PKHD1L1: variants seen among roughly 807,000 people sequenced by gnomAD.
PKHD1L1 encodes the protein fibrocystin-L.
Under a neutral mutation model 462.9 loss-of-function variants are expected in PKHD1L1, and 434 were observed. The ratio of observed to expected loss-of-function variants is 0.94; its 90% CI spans 0.87 to 1.02. The LOEUF is 1.02. Among genes scored for constraint, PKHD1L1 ranks in the 50% least tolerant of loss-of-function variants. The pLI is 0.00. For missense variants in PKHD1L1, 5,202 were observed against 5,096.1 expected (o/e 1.02, Z -0.63); for synonymous variants, 1,781 against 1,750.0 (o/e 1.02, Z -0.44).
rs1787339171 is a variant in PKHD1L1, at chr8:109,456,326, A to G, written c.6939A>G (p.Leu2313=). ...AHTAKAGERI[L]ILQEAVTWKP... ...CTGCAAAGGCAGGGGAAAGAATTTT[A>G]ATTTTACAAGAAGCAGTAACATGGA... is the stretch of plus-strand genomic sequence containing the variant. Residue 2313 remains leucine, a synonymous_variant, in exon 46 of 78, where the codon TTA becomes TTG. Transcript: ENST00000378402. 8 of 1,611,976 alleles carry G rather than the reference A, an allele frequency of 5.0e-6. No individual in the cohort carries two copies. Among genetic ancestry groups the G allele is most frequent in the Non-Finnish European group, 6.8e-6 (8 of 1,178,910 alleles).
At chr8:109,477,797 G>T (rs910720988) in intron 53 of PKHD1L1, among the ~76,000 whole-genome samples, 1 of 152,274 alleles carries the variant, frequency 6.6e-6, no homozygotes, top group Admixed American at 6.5e-5. Flanking sequence ...TTCTTAGCAG[G>T]TGCTGTCTCT....
intron 17 of PKHD1L1, among the ~76,000 whole-genome samples, chr8:109,406,878 A>G (rs1285210527): frequency 6.6e-6 from 1 of 152,006 alleles, no homozygotes; most frequent in Non-Finnish European, 1.5e-5. Flanking sequence ...TTCCTTGAAG[A>G]TTGACAGAGC....
chr8:109,527,311 G>A (rs563793832), intron 77 of PKHD1L1, among the ~76,000 whole-genome samples: 1 of 152,076 alleles, frequency 6.6e-6, no homozygotes, highest in East Asian at 1.9e-4. Context: ...AGACCAGCCT[G>A]GCCAACATGG....
rs377196836 is a variant in PKHD1L1, at chr8:109,522,789, G to A, written c.12229G>A (p.Val4077Met). ...AAGGTCTGCATTTCCTGTTCATCAC[G>A]TGGCCTTCGTGTCCTCACTCTTAGT... ...VERSAFPVHH[V>M]AFVSSLLVIT... The change falls in exon 75 of 78, where the codon GTG becomes ATG. Residue 4077 changes from valine to methionine, a missense_variant. Val to Met is a conservative substitution (Grantham distance 21). Around this residue, in one of 3 missense-constraint regions of PKHD1L1, gnomAD observed 698 missense variants for 736.3 expected, o/e 0.95. Transcript: ENST00000378402. 1.3e-5 allele frequency: 21 copies of A among 1,611,828 alleles called. No individual in the cohort carries two copies. The highest frequency in any genetic ancestry group is 8.0e-5 in the African/African-American group (6 of 74,844).
intron 11 of PKHD1L1, among the ~76,000 whole-genome samples, 181 bp from the exon 12 acceptor site, chr8:109,398,278 A>T (rs1167953001): frequency 6.6e-6 from 1 of 152,142 alleles, no homozygotes; most frequent in East Asian, 1.9e-4. Flanking sequence ...TGCTTTTTGG[A>T]AGTATGACAA....
At chr8:109,438,049 T>C (rs1427283191) in intron 30 of PKHD1L1, among the ~76,000 whole-genome samples, 1 of 152,124 alleles carries the variant, frequency 6.6e-6, no homozygotes, top group Non-Finnish European at 1.5e-5. Context: ...ATCTCAACAA[T>C]ATTGTAGAGC....
At position 109,362,630 on chromosome 8, in the gene PKHD1L1, T is replaced by C; in HGVS notation, c.50T>C (p.Leu17Pro). 1 of 1,607,642 alleles carries C rather than the reference T, an allele frequency of 6.2e-7. No individual in the cohort carries two copies. The highest frequency in any genetic ancestry group is 1.7e-4 in the Middle Eastern group (1 of 6,058). Reference protein sequence around the residue: ...LGIWGLCGLLLCAADPSTDGS... With the variant: ...LGIWGLCGLLPCAADPSTDGS... ...ATTTGGGGCCTCTGTGGGCTGCTCC[T>C]GTGTGCCGCGGATCCCAGCACAGGT... Residue 17 changes from leucine (L) to proline (P), a missense_variant, in exon 1 of 78, where the codon CTG (leucine) becomes CCG (proline). By Grantham distance (98) the Leu-to-Pro change is moderately conservative (BLOSUM62 -3). Around this residue, in one of 3 missense-constraint regions of PKHD1L1, gnomAD observed 4,497 missense variants for 4,336.8 expected, o/e 1.04. Transcript: ENST00000378402.
chr8:109,447,219 T>A (rs773042251), intron 38 of PKHD1L1, among the ~76,000 whole-genome samples: 6 of 152,168 alleles, frequency 3.9e-5, no homozygotes, highest in Non-Finnish European at 8.8e-5. Flanking sequence ...CGAGACTCCA[T>A]CTCCGAAACA....
chr8:109,382,244 C>G (rs1812161464), intron 3 of PKHD1L1, among the ~76,000 whole-genome samples: 1 of 152,080 alleles, frequency 6.6e-6, no homozygotes, highest in South Asian at 2.1e-4. Flanking sequence ...TCGGAATATG[C>G]ATTTGCCTGA....
At chr8:109,487,144 T>A (rs1168033559) in intron 59 of PKHD1L1, among the ~76,000 whole-genome samples, 1 of 151,968 alleles carries the variant, frequency 6.6e-6, no homozygotes, top group Non-Finnish European at 1.5e-5. Context: ...AAGGAAAATT[T>A]CAAGCATACA....
rs1408946090 is a variant in PKHD1L1, at chr8:109,372,162, T to C, written c.163+7526T>C. On this transcript the variant is annotated intron_variant, in intron 2 of 77. Transcript: ENST00000378402. ...CATGGAATGTTCTTCCATTTGTTTGTATCCTCTTTTATTTCATTGAGCAGT... is the reference window on the plus strand; with the variant it reads ...CATGGAATGTTCTTCCATTTGTTTGCATCCTCTTTTATTTCATTGAGCAGT... 2.0e-5 allele frequency among the ~76,000 whole-genome samples: 3 copies of C among 152,364 alleles called. No homozygotes were observed. The South Asian group carries it at 6.2e-4, about 32-fold the overall frequency.
chr8:109,470,369 A>C (rs1418098698), intron 50 of PKHD1L1: 1 of 1,557,726 alleles, frequency 6.4e-7, no homozygotes, highest in African/African-American at 1.4e-5. Context: ...TATGAACCCA[A>C]GCTTATTATA....
intron 68 of PKHD1L1, among the ~76,000 whole-genome samples, 170 bp from the exon 69 acceptor site, chr8:109,507,493 C>A (rs1819749030): frequency 6.6e-6 from 1 of 152,134 alleles, no homozygotes; most frequent in Non-Finnish European, 1.5e-5. Flanking sequence ...AATGGAAAAG[C>A]AGACCTCATT....
rs576158838 is a variant in PKHD1L1 at position 109,475,184 on chromosome 8, C to T, written c.8672C>T (p.Pro2891Leu). ...THMSGWMALI[P>L]NANHINWYFK... The stretch of plus-strand genomic sequence containing the variant: ...ATGTCTGGATGGATGGCTCTGATTC[C>T]AAATGCAAATCACATTAACTGGTAT... Residue 2891 changes from proline to leucine, a missense_variant, in exon 51 of 78, where the codon CCA becomes CTA. By Grantham distance (98) the Pro-to-Leu change is moderately conservative (BLOSUM62 -3). Around this residue, in one of 3 missense-constraint regions of PKHD1L1, gnomAD observed 4,497 missense variants for 4,336.8 expected, o/e 1.04. Coordinates refer to ENST00000378402, the MANE Select transcript of PKHD1L1 (RefSeq NM_177531.6). 8 of 1,612,650 alleles carry T rather than the reference C, an allele frequency of 5.0e-6. No homozygotes were observed. The South Asian group carries it at 7.7e-5, about 16-fold the overall frequency.
intron 21 of PKHD1L1, among the ~76,000 whole-genome samples, chr8:109,415,074 T>A (rs2130617523): frequency 6.6e-6 from 1 of 151,854 alleles, no homozygotes; most frequent in East Asian, 1.9e-4. Context: ...CACAGTTCAC[T>A]GCAGCCTTCA....
chr8:109,465,669 T>C (rs577521275), intron 49 of PKHD1L1, among the ~76,000 whole-genome samples: 1 of 152,290 alleles, frequency 6.6e-6, no homozygotes, highest in African/African-American at 2.4e-5. Flanking sequence ...TGCAGGCTTA[T>C]TTACAAAAGC....
At position 109,409,901 on chromosome 8, in the gene PKHD1L1, T is replaced by A; in HGVS notation, c.2008T>A (p.Cys670Ser). Residue 670 changes from cysteine to serine, a missense_variant, in exon 19 of 78, where the codon TGT becomes AGT. Cys to Ser is a moderately radical substitution (Grantham distance 112). Coordinates refer to ENST00000378402, the MANE Select transcript of PKHD1L1 (RefSeq NM_177531.6). ...AGTGGAAGAAATGGTTAGCACTAAG[T>A]GTCCACCACAAATTGCAAATTTTGA... ...GAVEEMVSTK[C>S]PPQIANFEEG... 1 of 1,606,602 alleles carries A rather than the reference T, an allele frequency of 6.2e-7. No individual in the cohort carries two copies. Among genetic ancestry groups the A allele is most frequent in the East Asian group, 2.3e-5 (1 of 44,414 alleles).
intron 73 of PKHD1L1, among the ~76,000 whole-genome samples, chr8:109,521,245 A>G (rs1820537225): frequency 6.6e-6 from 1 of 152,176 alleles, no homozygotes; most frequent in African/African-American, 2.4e-5. Context: ...GCTTAACTTT[A>G]ATAGAAGAAA....
chr8:109,377,342 T>A (rs188664464), intron 2 of PKHD1L1, among the ~76,000 whole-genome samples: 4 of 152,338 alleles, frequency 2.6e-5, no homozygotes, highest in Admixed American at 2.6e-4. Context: ...TCTACATCTC[T>A]GGGTTTACCT....
Sources: allele counts gnomAD v4.1 joint callset (sites outside exome capture counted in the v4.1 genomes callset), GRCh38; gene constraint gnomAD v4.1.1; regional missense constraint gnomAD v4.1.1; transcripts MANE v1.5; gene names NCBI Gene and HGNC (gene_info 2026-07-23, HGNC 2026-07-21).